The following OR3A2 variants were observed in gnomAD, a reference collection of about 807,000 sequenced individuals.
OR3A2 encodes olfactory receptor 3A2.
For missense variants in OR3A2, 318 were observed against 392.8 expected, an observed-to-expected ratio of 0.81 and a Z score of 1.61; for synonymous variants, 126 against 159.3, an observed-to-expected ratio of 0.79 and a Z score of 1.57.
chr17:3,345,961 G>A (rs371200910), intron 2 of OR3A2, among the ~76,000 whole-genome samples: 37 of 152,294 alleles, frequency 2.4e-4, no homozygotes, highest in African/African-American at 8.4e-4. Flanking sequence ...GAGAAGGGGC[G>A]TGTCAGTTTT....
chr17:3,308,654 T>G (rs1431442110), intron 3 of OR3A2, among the ~76,000 whole-genome samples: 1 of 152,082 alleles, frequency 6.6e-6, no homozygotes, highest in Non-Finnish European at 1.5e-5. Context: ...GGTTCTGATT[T>G]GGAGAGACTG....
At chr17:3,280,013 C>T (rs996916779) in intron 1 of OR3A2, among the ~76,000 whole-genome samples, 15 of 152,134 alleles carry the variant, frequency 9.9e-5, no homozygotes, top group African/African-American at 3.4e-4. Context: ...ACTTAAGCCC[C>T]TACAATGGAC....
intron 2 of OR3A2, among the ~76,000 whole-genome samples, chr17:3,336,390 G>T (rs914569709): frequency 6.6e-6 from 1 of 151,930 alleles, no homozygotes; most frequent in Admixed American, 6.5e-5. Context: ...GTGAATGCCA[G>T]GAAAACAATA....
chr17:3,311,136 G>A lies in OR3A2; in HGVS notation c.-85+24897C>T. 1 of 540,714 alleles carries A rather than the reference G, an allele frequency of 1.8e-6. No individual in the cohort carries two copies. Among genetic ancestry groups the A allele is most frequent in the Non-Finnish European group, 3.8e-6 (1 of 264,010 alleles). 33.5% of individuals were successfully genotyped at this position (540,714 alleles called of 1,614,324 possible). On this transcript the variant is annotated intron_variant, in intron 3 of 4. Coordinates refer to the OR3A2 transcript ENST00000573491. This position sits in a 1 kb window ranked among gnomAD's most constrained non-coding sequence, Gnocchi z 4.6. ...AGTGGAGTCTTCGGACAAGGACAAG[G>A]GCATTGGCATCCTCAACACTGTCAT... is the stretch of plus-strand genomic sequence containing the variant.
intron 3 of OR3A2, among the ~76,000 whole-genome samples, chr17:3,301,523 A>C (rs1194990796): frequency 6.6e-6 from 1 of 152,096 alleles, no homozygotes; most frequent in Non-Finnish European, 1.5e-5. Flanking sequence ...TACTTCACCC[A>C]CTTTTTGATG....
At chr17:3,348,201 T>C (rs1480358491) in intron 2 of OR3A2, among the ~76,000 whole-genome samples, 1 of 152,186 alleles carries the variant, frequency 6.6e-6, no homozygotes, top group African/African-American at 2.4e-5. Context: ...AGGTTGCCTG[T>C]TCACTCTGAT....
intron 2 of OR3A2, among the ~76,000 whole-genome samples, chr17:3,342,993 C>T (rs1329621890): frequency 6.6e-6 from 1 of 152,210 alleles, no homozygotes; most frequent in Non-Finnish European, 1.5e-5. Context: ...AGGCTTGCCG[C>T]CTTGCAGTTC....
chr17:3,370,771 C>A (rs573361179), intron 2 of OR3A2, among the ~76,000 whole-genome samples: 2 of 151,116 alleles, frequency 1.3e-5, no homozygotes, highest in South Asian at 2.1e-4. Flanking sequence ...GAGGACCCTG[C>A]GGCCTTCCGC....
chr17:3,295,582 G>C (rs555635235), intron 3 of OR3A2, among the ~76,000 whole-genome samples: 1 of 152,046 alleles, frequency 6.6e-6, no homozygotes, highest in South Asian at 2.1e-4. Flanking sequence ...AACAAAATTA[G>C]TACCAAACAC....
downstream of OR3A2, among the ~76,000 whole-genome samples, chr17:3,276,483 AAAT>A (rs1373957369): frequency 6.6e-6 from 1 of 152,216 alleles, no homozygotes. Flanking sequence ...CTACTTGACA[AAAT>A]AATATCGTCT....
Position 3,282,188 on chromosome 17 carries a change from G to A in OR3A2, c.-7+2170C>T, listed in dbSNP as rs1317979106. On this transcript the variant is annotated intron_variant, in intron 1 of 1. Transcript: ENST00000642052. The stretch of plus-strand genomic sequence containing the variant: ...CCAGCACTTTGGGAGGCTGAGGTGG[G>A]TGGATCACGAGGTCAGGAGATTGAC... Among the ~76,000 whole-genome samples the A allele has an allele frequency of 2.6e-5, 4 of 152,132 alleles. No homozygotes were observed. In the East Asian group the frequency reaches 7.7e-4, roughly 29 times the overall value.
chr17:3,283,295 G>A (rs1023733538), intron 1 of OR3A2, among the ~76,000 whole-genome samples: 9 of 151,976 alleles, frequency 5.9e-5, no homozygotes, highest in African/African-American at 2.2e-4. Context: ...GCATGACCTC[G>A]GCTCACTGCA....
intron 2 of OR3A2, among the ~76,000 whole-genome samples, chr17:3,340,215 C>T (rs1454160802): frequency 6.6e-6 from 1 of 152,148 alleles, no homozygotes; most frequent in East Asian, 1.9e-4. Flanking sequence ...TTCAAAAAAA[C>T]AGCTCCTGGA....
chr17:3,337,021 G>A (rs953683754), intron 2 of OR3A2, among the ~76,000 whole-genome samples: 6 of 152,112 alleles, frequency 3.9e-5, no homozygotes, highest in Admixed American at 1.3e-4. Flanking sequence ...CATGGGTTCC[G>A]ATATCTGTGT....
chr17:3,276,903 C>T (rs912815626), downstream of OR3A2: 3 of 151,616 alleles, frequency 2.0e-5, no homozygotes, highest in Non-Finnish European at 2.9e-5. Flanking sequence ...CTTTCCTGTT[C>T]CCTAAACATC....
At chr17:3,323,422 C>T (rs991655754) in intron 3 of OR3A2, among the ~76,000 whole-genome samples, 3 of 151,952 alleles carry the variant, frequency 2.0e-5, no homozygotes, top group African/African-American at 7.3e-5. Context: ...GGCTATTTTG[C>T]CCATTACTTG....
intron 3 of OR3A2, among the ~76,000 whole-genome samples, chr17:3,315,281 T>C (rs1008019352): frequency 2.6e-5 from 4 of 152,250 alleles, no homozygotes; most frequent in Admixed American, 6.5e-5. Flanking sequence ...CCACAGGGGC[T>C]GCACAAAGTT....
intron 2 of OR3A2, among the ~76,000 whole-genome samples, chr17:3,350,311 T>G (rs140151546): frequency 1 from 149,770 of 149,798 alleles, 74,871 homozygotes; most frequent in Middle Eastern, 1. Flanking sequence ...AAAAAAGAGA[T>G]AAGAATCAAA....
chr17:3,278,170 C>T lies in OR3A2; in HGVS notation c.748G>A (p.Val250Met), dbSNP rs199952579. Residue 250 changes from valine to methionine, a missense_variant, in exon 2 of 2, where the codon GTG becomes ATG. Val to Met is a conservative substitution (Grantham distance 21, BLOSUM62 1). Transcript: ENST00000642052. ...CCTCTTCCAAAGAAAAGACAAACCA[C>T]GGTGAGGTGGGAGCCACACGTGGAG... 2.4e-5 allele frequency: 39 copies of T among 1,614,230 alleles called. No individual in the cohort carries two copies. Among genetic ancestry groups the T allele is most frequent in the African/African-American group, 2.4e-4 (18 of 75,052 alleles).
Sources: allele counts gnomAD v4.1 joint callset (sites outside exome capture counted in the v4.1 genomes callset), GRCh38; gene constraint gnomAD v4.1.1; non-coding constraint Gnocchi (gnomAD v3.1); transcripts MANE v1.5; gene names NCBI Gene and HGNC (gene_info 2026-07-23, HGNC 2026-07-21).